Variants in SDC3 observed in about 807,000 individuals in gnomAD.
The protein encoded by SDC3 is syndecan 3.
A neutral mutation model predicts 24.4 loss-of-function variants in SDC3; 13 were observed. That is an observed-to-expected ratio of 0.53 (90% CI 0.35 to 0.85). The LOEUF (loss-of-function observed/expected upper bound fraction) is 0.85, where lower values mean the gene tolerates loss of function less well. Among genes scored for constraint, SDC3 ranks in the 40% least tolerant of loss-of-function variants. The probability of loss-of-function intolerance (pLI) is 0.01; values close to 1 mark genes in which losing one functional copy is unlikely to be tolerated. For missense variants in SDC3, 571 were observed against 584.5 expected (o/e 0.98, Z 0.24); for synonymous variants, 295 against 260.9 (o/e 1.13, Z -1.26).
intron 1 of SDC3, among the ~76,000 whole-genome samples, chr1:30,882,123 C>A (rs1178787890): frequency 6.6e-6 from 1 of 152,188 alleles, no homozygotes; most frequent in Non-Finnish European, 1.5e-5. Flanking sequence ...CTACTTGTCC[C>A]TCCCTGAACC....
rs564549552 is a variant in SDC3 at position 30,894,933 on chromosome 1, T to C, written c.138+13516A>G. Among the ~76,000 whole-genome samples the C allele has an allele frequency of 1.5e-3, 235 of 152,042 alleles. 1 individual carries two copies. Among genetic ancestry groups the C allele is most frequent in the African/African-American group, 5.2e-3 (215 of 41,432 alleles). On this transcript the variant is annotated intron_variant, in intron 1 of 4. Transcript: ENST00000339394. ...TGTCTCTGAGTGGTACCTGTGCACA[T>C]GGCAGTGTATGTGTGTCCCTGTCTC...
At chr1:30,907,831 C>T (rs1638556110) in intron 1 of SDC3, among the ~76,000 whole-genome samples, 5 of 152,256 alleles carry the variant, frequency 3.3e-5, no homozygotes, top group Admixed American at 3.3e-4. Context: ...CCTCCACCTC[C>T]CCTTCCCGGG....
chr1:30,893,065 A>T (rs1639929430), intron 1 of SDC3, among the ~76,000 whole-genome samples: 1 of 152,068 alleles, frequency 6.6e-6, no homozygotes, highest in Admixed American at 6.5e-5. Context: ...TCTTTCCACC[A>T]TTTATCACGG....
intron 1 of SDC3, among the ~76,000 whole-genome samples, chr1:30,891,110 C>T (rs578074083): frequency 1.3e-5 from 2 of 152,328 alleles, no homozygotes; most frequent in Admixed American, 6.5e-5. Flanking sequence ...CACCCTTTGA[C>T]CATGTGCCTC....
chr1:30,882,499 C>T (rs974491171), intron 1 of SDC3, among the ~76,000 whole-genome samples: 12 of 152,188 alleles, frequency 7.9e-5, no homozygotes, highest in Non-Finnish European at 1.8e-4. Context: ...GCTGGGGAGG[C>T]TCCCCTGGGC....
Position 30,908,607 on chromosome 1 carries a change from C to G in SDC3, c.-21G>C, listed in dbSNP as rs1258118055. The G allele has an allele frequency of 2.2e-6, 2 of 915,666 alleles. No homozygotes were observed. Among genetic ancestry groups the G allele is most frequent in the African/African-American group, 1.9e-5 (1 of 52,270 alleles). 56.7% of individuals were successfully genotyped at this position (915,666 alleles called of 1,614,324 possible). A position where few individuals can be genotyped will look rare whatever the true frequency, so the allele number is the denominator to read the frequency against. Reference sequence around the variant, plus strand: ...TTCATGGCGGCGGCGCGGGCGCGGGCGGCGGGCGGCGGGCGGGCGCCTTTG... The same window carrying G: ...TTCATGGCGGCGGCGCGGGCGCGGGGGGCGGGCGGCGGGCGGGCGCCTTTG... On this transcript the variant is annotated 5_prime_UTR_variant, in exon 1 of 5. Transcript: ENST00000339394.
In SDC3 at chr1:30,869,547, A is replaced by AC. The variant is rs1639494173; in HGVS notation, c.*3663_*3664insG. On this transcript the variant is annotated 3_prime_UTR_variant, in exon 5 of 5. Coordinates refer to ENST00000339394, the MANE Select transcript of SDC3 (RefSeq NM_014654.4). ...AAAAAACAAACAAACAAAAAAAAAA[A>AC]AAAAAAAAAAAAAACAAAAACAAAA... The AC allele has an allele frequency of 1.1e-5, 4 of 375,370 alleles. No individual in the cohort carries two copies. In the Admixed American group the frequency reaches 1.4e-4, roughly 13 times the overall value. The allele number at this position is 375,370 out of a possible 1,614,324, so 23.3% of individuals were successfully genotyped here.
chr1:30,873,337 G>T lies in SDC3; in HGVS notation c.1203C>A (p.Ala401=). 6.2e-7 allele frequency: 1 copy of T among 1,613,778 alleles called. No homozygotes were observed. Among genetic ancestry groups the T allele is most frequent in the Non-Finnish European group, 8.5e-7 (1 of 1,179,706 alleles). Residue 401 remains alanine, a synonymous_variant, in exon 5 of 5, where the codon GCC becomes GCA. Transcript: ENST00000339394. ...GATAGATGAGCAGTGTGACCAAGAA[G>T]GCAGCAAAGAGGGCGCCCACCACCC... ...VGGVVGALFA[A]FLVTLLIYRM... is the part of the protein sequence containing the mutation.
At chr1:30,907,653 A>T (rs958522934) in intron 1 of SDC3, among the ~76,000 whole-genome samples, 4 of 152,120 alleles carry the variant, frequency 2.6e-5, no homozygotes, top group Non-Finnish European at 5.9e-5. Context: ...ACGACCACGG[A>T]CGGGAGGGCA....
Position 30,877,110 on chromosome 1 carries a change from G to A in SDC3, c.312C>T (p.Ala104=). Residue 104 remains alanine, a synonymous_variant, in exon 3 of 5, where the codon GCC becomes GCT. Transcript: ENST00000339394. ...ETAMRFSPDV[A]LAVSTTPAVL... is the part of the protein sequence containing the mutation. ...CCGCAGGTGTGGTGGACACCGCCAGGGCTACATCTGGGCTGAAGCGCATGG... is the reference window on the plus strand; with the variant it reads ...CCGCAGGTGTGGTGGACACCGCCAGAGCTACATCTGGGCTGAAGCGCATGG... 5 of 1,613,996 alleles carry A rather than the reference G, an allele frequency of 3.1e-6. No individual in the cohort carries two copies. The highest frequency in any genetic ancestry group is 4.2e-6 in the Non-Finnish European group (5 of 1,179,962).
At chr1:30,877,399 C>T in intron 2 of SDC3, 3 of 624,518 alleles carry the variant, frequency 4.8e-6, no homozygotes, top group Admixed American at 2.9e-5. Context: ...CCGCCTCTCC[C>T]GGGAAGCCTT....
intron 1 of SDC3, among the ~76,000 whole-genome samples, chr1:30,882,350 C>T (rs1639757367): frequency 6.6e-6 from 1 of 152,228 alleles, no homozygotes; most frequent in African/African-American, 2.4e-5. Context: ...ACCACACCTT[C>T]CTGAAGTAAC....
At chr1:30,875,248 G>A (rs192124052) in intron 3 of SDC3, among the ~76,000 whole-genome samples, 66 of 152,362 alleles carry the variant, frequency 4.3e-4, no homozygotes, top group African/African-American at 1.6e-3. Context: ...GGCATGGAAA[G>A]GCAGGCCTGA....
intron 2 of SDC3, chr1:30,877,704 TGGG>T (rs1639672922): frequency 6.3e-6 from 1 of 157,936 alleles, no homozygotes; most frequent in African/African-American, 2.4e-5. Flanking sequence ...TGAAGGAACT[TGGG>T]AGGAAATGAG....
At chr1:30,878,818 C>G in intron 1 of SDC3, 78 bp from the exon 2 acceptor site, 1 of 1,131,150 alleles carries the variant, frequency 8.8e-7, no homozygotes, top group Non-Finnish European at 1.3e-6. Context: ...GCGACAGGTG[C>G]CCTTGTGGGC....
intron 1 of SDC3, among the ~76,000 whole-genome samples, chr1:30,889,434 T>A (rs1285529777): frequency 1.3e-5 from 2 of 152,124 alleles, no homozygotes; most frequent in Admixed American, 6.5e-5. Flanking sequence ...TTTTCCTCCA[T>A]TCCCGGGGGC....
Position 30,876,627 on chromosome 1 carries a change from G to A in SDC3, c.795C>T (p.Thr265=), listed in dbSNP as rs1299710533. The A allele has an allele frequency of 6.3e-7, 1 of 1,575,792 alleles. No homozygotes were observed. The highest frequency in any genetic ancestry group is 1.4e-5 in the African/African-American group (1 of 73,788). Residue 265 remains threonine (T), a synonymous_variant, in exon 3 of 5, where the codon ACC becomes ACT. Coordinates refer to ENST00000339394, the MANE Select transcript of SDC3 (RefSeq NM_014654.4). ...RPRALPRPAT[T]QEPDIPERST... ...TCCTCTCAGGGATGTCAGGCTCCTG[G>A]GTGGTGGCCGGCCTGGGAAGGGCTC...
At chr1:30,890,743 A>G (rs1639892183) in intron 1 of SDC3, among the ~76,000 whole-genome samples, 2 of 152,204 alleles carry the variant, frequency 1.3e-5, no homozygotes, top group Non-Finnish European at 2.9e-5. Context: ...CAGAGCCTGG[A>G]CTCAAGTTCA....
chr1:30,908,262 G>A (rs1638569845), intron 1 of SDC3, among the ~76,000 whole-genome samples, 187 bp downstream of exon 1: 1 of 150,184 alleles, frequency 6.7e-6, no homozygotes, highest in Non-Finnish European at 1.5e-5. Context: ...TCCGGAGGGG[G>A]GGGAGCAGGG....
Sources: gnomAD v4.1 joint callset for allele counts (sites outside exome capture counted in the v4.1 genomes callset) on GRCh38, gnomAD v4.1.1 for gene constraint, MANE v1.5 for transcripts, NCBI Gene and HGNC (gene_info 2026-07-23, HGNC 2026-07-21) for gene names.